Variants in TMEM132E observed in about 807,000 individuals in gnomAD.
TMEM132E encodes transmembrane protein 132E.
A neutral mutation model predicts 78.5 loss-of-function variants in TMEM132E; 49 were observed. The observed-to-expected ratio is 0.62, with a 90% confidence interval of 0.50 to 0.79. The LOEUF is 0.79. Ranked by LOEUF, TMEM132E falls within the 30% of genes least tolerant of loss-of-function variation. The probability of loss-of-function intolerance (pLI) is 0.00; values close to 1 mark genes in which losing one functional copy is unlikely to be tolerated. For missense variants in TMEM132E, 1,403 were observed against 1,470.9 expected, an observed-to-expected ratio of 0.95 and a Z score of 0.75; for synonymous variants, 715 against 670.6, an observed-to-expected ratio of 1.07 and a Z score of -1.02.
chr17:34,604,453 G>A (rs1906344378), intron 1 of TMEM132E, among the ~76,000 whole-genome samples: 1 of 152,206 alleles, frequency 6.6e-6, no homozygotes. Flanking sequence ...TTGTCTGTGT[G>A]GAGGATGAGA....
intron 1 of TMEM132E, among the ~76,000 whole-genome samples, chr17:34,604,643 C>T (rs58007009): frequency 1.5e-3 from 226 of 152,300 alleles, no homozygotes; most frequent in African/African-American, 5.1e-3. Flanking sequence ...CACTAGTTCT[C>T]TGTGGGTCTG....
chr17:34,591,218 T>G (rs1285445433), intron 1 of TMEM132E, among the ~76,000 whole-genome samples: 1 of 152,082 alleles, frequency 6.6e-6, no homozygotes, highest in Non-Finnish European at 1.5e-5. Flanking sequence ...GACCCCTTGG[T>G]GTACAGGAGC....
intron 1 of TMEM132E, among the ~76,000 whole-genome samples, chr17:34,624,544 T>C (rs959336748): frequency 1.3e-5 from 2 of 152,126 alleles, no homozygotes; most frequent in Non-Finnish European, 2.9e-5. Context: ...TGGAGGAAGA[T>C]TCAGATTTGG....
chr17:34,630,446 G>A (rs1459909448), intron 5 of TMEM132E, among the ~76,000 whole-genome samples: 1 of 152,168 alleles, frequency 6.6e-6, no homozygotes, highest in Non-Finnish European at 1.5e-5. Context: ...GGCCAGTCCT[G>A]GAGGGCTTCC....
At chr17:34,593,036 GA>G (rs1425325739) in intron 1 of TMEM132E, among the ~76,000 whole-genome samples, 2 of 151,634 alleles carry the variant, frequency 1.3e-5, no homozygotes, top group Non-Finnish European at 3.0e-5. Flanking sequence ...TATCACATGA[GA>G]AAAAGTGAAA....
intron 5 of TMEM132E, among the ~76,000 whole-genome samples, chr17:34,631,815 G>A (rs1907356993): frequency 6.6e-6 from 1 of 152,202 alleles, no homozygotes; most frequent in Non-Finnish European, 1.5e-5. Context: ...TGCACCCATG[G>A]ACGTGCACCA....
At chr17:34,620,470 G>A (rs4795016) in intron 1 of TMEM132E, among the ~76,000 whole-genome samples, 82,951 of 152,214 alleles carry the variant, frequency 0.54, 24,000 homozygotes, top group Admixed American at 0.71. Context: ...CGCAAAGCTG[G>A]TCCAGCCCCA....
chr17:34,638,511 C>A lies in TMEM132E; in HGVS notation c.*279C>A, dbSNP rs1907631638. 2 of 375,388 alleles carry A rather than the reference C, an allele frequency of 5.3e-6. No individual in the cohort carries two copies. Among genetic ancestry groups the A allele is most frequent in the East Asian group, 4.1e-5 (1 of 24,202 alleles). The allele number at this position is 375,388 out of a possible 1,614,324, so 23.3% of individuals were successfully genotyped here. ...CAGCCTCTGTTCTGCCCTTTCCAAA[C>A]CTCCTCCCATCTTAAGCAACCCCCT... is the stretch of plus-strand genomic sequence containing the variant. On this transcript the variant is annotated 3_prime_UTR_variant, in exon 9 of 9. Transcript: ENST00000631683.
Position 34,626,579 on chromosome 17 carries a change from C to T in TMEM132E, c.520C>T (p.Arg174Trp), listed in dbSNP as rs1261443520. 3.2e-6 allele frequency: 5 copies of T among 1,565,626 alleles called. No individual in the cohort carries two copies. The South Asian group carries it at 3.5e-5, about 11-fold the overall frequency. The change falls in exon 2 of 9, where the codon CGG (arginine) becomes TGG (tryptophan). Residue 174 changes from arginine to tryptophan, a missense_variant. Physicochemically the swap from Arg to Trp is moderately radical, Grantham distance 101 (BLOSUM62 -3). Around this residue, in one of 3 missense-constraint regions of TMEM132E, gnomAD observed 511 missense variants for 499.0 expected, o/e 1.02. Coordinates refer to ENST00000631683, the MANE Select transcript of TMEM132E (RefSeq NM_001304438.2). Reference protein sequence around the residue: ...CVRLHAFRDAREVKSSCRLSG... With the variant: ...CVRLHAFRDAWEVKSSCRLSG... ...CCGCCTGCATGCCTTCCGGGATGCC[C>T]GGGAAGTCAAGAGCTCCTGCCGCCT...
intron 1 of TMEM132E, among the ~76,000 whole-genome samples, chr17:34,592,805 A>G (rs1905920725): frequency 6.6e-6 from 1 of 152,180 alleles, no homozygotes. Flanking sequence ...CACCTCAGAC[A>G]AACCAGACCC....
chr17:34,634,706 T>C, intron 6 of TMEM132E, 93 bp from the exon 7 acceptor site: 1 of 1,436,280 alleles, frequency 7.0e-7, no homozygotes, highest in Non-Finnish European at 9.3e-7. Flanking sequence ...TCTGGGAAGC[T>C]GGGAGGACCC....
At chr17:34,622,489 T>G (rs1269533321) in intron 1 of TMEM132E, among the ~76,000 whole-genome samples, 2 of 152,228 alleles carry the variant, frequency 1.3e-5, no homozygotes, top group Non-Finnish European at 2.9e-5. Context: ...CTCTTCTGAA[T>G]GCCAGCTGTT....
At chr17:34,592,383 C>T (rs1245217145) in intron 1 of TMEM132E, among the ~76,000 whole-genome samples, 1 of 152,200 alleles carries the variant, frequency 6.6e-6, no homozygotes, top group Non-Finnish European at 1.5e-5. Flanking sequence ...TTTGCTTCCT[C>T]CCCATGGTGG....
At position 34,635,989 on chromosome 17, in the gene TMEM132E, G is replaced by C. The variant is rs181766009; in HGVS notation, c.1978-18G>C. On this transcript the variant is annotated intron_variant, in intron 7 of 8. Coordinates refer to ENST00000631683, the MANE Select transcript of TMEM132E (RefSeq NM_001304438.2). Reference sequence around the variant, plus strand: ...TGCTTTCCTGGTTCTCTCCCACCCCGGTCCCGCTCTGCCTCAGGTGGTGTC... The same window carrying C: ...TGCTTTCCTGGTTCTCTCCCACCCCCGTCCCGCTCTGCCTCAGGTGGTGTC... The C allele has an allele frequency of 5.0e-6, 7 of 1,399,982 alleles. No individual in the cohort carries two copies. The South Asian group carries it at 1.2e-4, about 24-fold the overall frequency. 86.7% of individuals were successfully genotyped at this position (1,399,982 alleles called of 1,614,324 possible). A position where few individuals can be genotyped will look rare whatever the true frequency, so the allele number is the denominator to read the frequency against.
chr17:34,616,541 C>T (rs1407906005), intron 1 of TMEM132E, among the ~76,000 whole-genome samples: 1 of 152,196 alleles, frequency 6.6e-6, no homozygotes, highest in Non-Finnish European at 1.5e-5. Flanking sequence ...GCTGCAGTCA[C>T]CCAGAGGCAC....
chr17:34,597,614 C>T (rs1906103359), intron 1 of TMEM132E, among the ~76,000 whole-genome samples: 1 of 152,176 alleles, frequency 6.6e-6, no homozygotes, highest in African/African-American at 2.4e-5. Flanking sequence ...GGCATCCAGC[C>T]CAAGGCTGAC....
chr17:34,630,211 A>C lies in TMEM132E; in HGVS notation c.1482+60A>C, dbSNP rs1020930038. 13 of 1,556,150 alleles carry C rather than the reference A, an allele frequency of 8.4e-6. 1 individual carries two copies. In the African/African-American group the frequency reaches 1.8e-4, roughly 21 times the overall value. ...AGCCCTAGGCCTTCAGGAGAGTAGA[A>C]CCTCAAACCAGAGTCCAGGTGGCTG... On this transcript the variant is annotated intron_variant, in intron 5 of 8. Transcript: ENST00000631683.
intron 1 of TMEM132E, among the ~76,000 whole-genome samples, chr17:34,599,552 T>A (rs1378159903): frequency 2.6e-5 from 4 of 152,126 alleles, no homozygotes; most frequent in Non-Finnish European, 5.9e-5. Flanking sequence ...CGTAATGAAT[T>A]TGGTGGATTC....
In TMEM132E at chr17:34,638,266, C is replaced by CCCA. The variant is rs1555565384; in HGVS notation, c.*35_*36insCAC. The CCCA allele has an allele frequency of 6.8e-3, 9,941 of 1,462,084 alleles. 8 individuals carry two copies. The highest frequency in any genetic ancestry group is 0.013 in the South Asian group (914 of 70,184). 90.6% of individuals were successfully genotyped at this position (1,462,084 alleles called of 1,614,324 possible). A position where few individuals can be genotyped will look rare whatever the true frequency, so the allele number is the denominator to read the frequency against. On this transcript the variant is annotated 3_prime_UTR_variant, in exon 9 of 9. Coordinates refer to ENST00000631683, the MANE Select transcript of TMEM132E (RefSeq NM_001304438.2). ...GCCGGAGTAGCAGGGACCCCCCCCC[C>CCCA]CAACGGGGTCAGCTCGGGGTAGGAC...
Sources: allele counts gnomAD v4.1 joint callset (sites outside exome capture counted in the v4.1 genomes callset), GRCh38; gene constraint gnomAD v4.1.1; regional missense constraint gnomAD v4.1.1; transcripts MANE v1.5; gene names NCBI Gene and HGNC (gene_info 2026-07-23, HGNC 2026-07-21).